The following KCNH1 variants were observed in gnomAD, a reference collection of about 807,000 sequenced individuals.
KCNH1 encodes potassium voltage-gated channel subfamily H member 1.
KCNH1 carries 27 observed loss-of-function variants against 69.2 expected under a neutral mutation model. The observed-to-expected ratio is 0.39, with a 90% CI of 0.29 to 0.54. KCNH1 has a LOEUF of 0.54. Among genes scored for constraint, KCNH1 ranks in the 20% least tolerant of loss-of-function variants. The pLI, the probability that KCNH1 is intolerant of heterozygous loss-of-function variation, is 0.68. For missense variants in KCNH1, 798 were observed against 1,261.6 expected, an observed-to-expected ratio of 0.63 and a Z score of 5.57; for synonymous variants, 456 against 487.7, an observed-to-expected ratio of 0.93 and a Z score of 0.86.
At chr1:211,049,271 C>T (rs114708630) in intron 5 of KCNH1, among the ~76,000 whole-genome samples, 4 of 152,100 alleles carry the variant, frequency 2.6e-5, no homozygotes, top group African/African-American at 7.2e-5. Flanking sequence ...AAAGAGAAAA[C>T]AAATTGACTT....
intron 9 of KCNH1, among the ~76,000 whole-genome samples, chr1:210,787,419 A>G (rs1171015314): frequency 6.6e-6 from 1 of 152,122 alleles, no homozygotes; most frequent in Non-Finnish European, 1.5e-5. Context: ...TATAAAATGC[A>G]TATTTACTTG....
chr1:210,776,013 G>A (rs1683852739), intron 9 of KCNH1, among the ~76,000 whole-genome samples: 1 of 152,176 alleles, frequency 6.6e-6, no homozygotes, highest in Non-Finnish European at 1.5e-5. Context: ...ATAGGCAGAA[G>A]GAAAGAATGG....
intron 5 of KCNH1, among the ~76,000 whole-genome samples, chr1:211,049,393 G>C (rs566773345): frequency 3.9e-5 from 6 of 152,308 alleles, no homozygotes; most frequent in African/African-American, 1.4e-4. Flanking sequence ...CAAACCAACT[G>C]TGTGTGCAAA....
chr1:210,860,986 T>C, intron 7 of KCNH1: 1 of 1,052,976 alleles, frequency 9.5e-7, no homozygotes, highest in Non-Finnish European at 1.5e-6. Flanking sequence ...CATGCAGGGC[T>C]CCATCTTTTT....
chr1:211,070,428 AAAACACACACACACAC>A (rs1488580029), intron 5 of KCNH1, among the ~76,000 whole-genome samples: 1 of 114,180 alleles, frequency 8.8e-6, no homozygotes, highest in Non-Finnish European at 1.9e-5. Flanking sequence ...TAAAAAAAAA[AAAACACACACACACAC>A]ACACACACAC....
intron 9 of KCNH1, among the ~76,000 whole-genome samples, chr1:210,792,837 T>C (rs377260902): frequency 1.3e-5 from 2 of 152,102 alleles, no homozygotes; most frequent in East Asian, 1.9e-4. Flanking sequence ...ACTTATAAGA[T>C]AGAAATGCAG....
At chr1:211,081,036 C>G (rs996472475) in intron 5 of KCNH1, among the ~76,000 whole-genome samples, 2 of 152,154 alleles carry the variant, frequency 1.3e-5, no homozygotes, top group Non-Finnish European at 2.9e-5. Flanking sequence ...AGGCAACCTA[C>G]AAAATGGGAG....
At chr1:210,984,624 C>A (rs1248740664) in intron 6 of KCNH1, among the ~76,000 whole-genome samples, 1 of 152,092 alleles carries the variant, frequency 6.6e-6, no homozygotes, top group Non-Finnish European at 1.5e-5. Context: ...GGGATGAAGC[C>A]CACTTGATCA....
intron 5 of KCNH1, among the ~76,000 whole-genome samples, chr1:211,068,402 TG>T (rs1237152264): frequency 3.9e-5 from 6 of 152,162 alleles, no homozygotes; most frequent in Middle Eastern, 6.8e-3. Context: ...TCAACTTTTT[TG>T]TTTTTTTTTT....
chr1:211,021,800 A>T (rs1396418095), intron 5 of KCNH1, among the ~76,000 whole-genome samples: 1 of 152,182 alleles, frequency 6.6e-6, no homozygotes, highest in Non-Finnish European at 1.5e-5. Flanking sequence ...CTCTACAAAT[A>T]AAGCTATAAA....
intron 7 of KCNH1, among the ~76,000 whole-genome samples, chr1:210,877,773 T>A (rs1686409577): frequency 6.6e-6 from 1 of 152,158 alleles, no homozygotes; most frequent in Non-Finnish European, 1.5e-5. Flanking sequence ...CTACACTAGG[T>A]CATTAGCTCC....
intron 5 of KCNH1, among the ~76,000 whole-genome samples, chr1:211,070,331 TG>T (rs57061116): frequency 3.8e-4 from 57 of 151,204 alleles, no homozygotes; most frequent in African/African-American, 1.3e-3. Flanking sequence ...GGCAGGAGAA[TG>T]GCGTGAGCCC....
chr1:210,687,599 C>T (rs1268653611), intron 10 of KCNH1, among the ~76,000 whole-genome samples: 1 of 152,178 alleles, frequency 6.6e-6, no homozygotes, highest in African/African-American at 2.4e-5. Context: ...AACCAGCAAC[C>T]CCCAGGGGAC....
chr1:210,975,789 A>G (rs1361181510), intron 6 of KCNH1, among the ~76,000 whole-genome samples: 28 of 152,250 alleles, frequency 1.8e-4, no homozygotes, highest in Admixed American at 1.8e-3. Context: ...ACAGCAAAAG[A>G]AACTACCATC....
At chr1:210,734,754 G>A (rs1056975456) in intron 10 of KCNH1, among the ~76,000 whole-genome samples, 3 of 152,008 alleles carry the variant, frequency 2.0e-5, no homozygotes, top group African/African-American at 7.2e-5. Context: ...TGCTCATGGG[G>A]CTTCCTAGGG....
chr1:210,963,217 A>G (rs1688330618), intron 6 of KCNH1, among the ~76,000 whole-genome samples: 1 of 152,138 alleles, frequency 6.6e-6, no homozygotes, highest in Non-Finnish European at 1.5e-5. Flanking sequence ...GAAAACTAAA[A>G]AAAACAGAAA....
chr1:210,843,988 G>A (rs1279938449), intron 7 of KCNH1, among the ~76,000 whole-genome samples: 2 of 152,102 alleles, frequency 1.3e-5, no homozygotes, highest in African/African-American at 4.8e-5. Flanking sequence ...CAAAGATGCT[G>A]ATTTACTGAT....
At chr1:211,086,850 G>A (rs939670673) in intron 4 of KCNH1, among the ~76,000 whole-genome samples, 7 of 152,202 alleles carry the variant, frequency 4.6e-5, no homozygotes, top group African/African-American at 1.7e-4. Flanking sequence ...CAGAGGAGCT[G>A]ATAGCATAAT....
At chr1:210,974,062 G>A (rs1688558186) in intron 6 of KCNH1, among the ~76,000 whole-genome samples, 1 of 152,088 alleles carries the variant, frequency 6.6e-6, no homozygotes, top group African/African-American at 2.4e-5. Context: ...GCAGTTCAAT[G>A]ATTACTTTCT....
Sources: gnomAD v4.1 joint callset for allele counts (sites outside exome capture counted in the v4.1 genomes callset) on GRCh38, gnomAD v4.1.1 for gene constraint, MANE v1.5 for transcripts, NCBI Gene and HGNC (gene_info 2026-07-23, HGNC 2026-07-21) for gene names.